CCNY: variants seen among roughly 807,000 people sequenced by gnomAD.
CCNY encodes cyclin-Y.
In CCNY, 19 loss-of-function variants were observed where a neutral mutation model predicts 42.8. The ratio of observed to expected loss-of-function variants is 0.44; its 90% CI spans 0.31 to 0.65. The LOEUF is 0.65. CCNY is among the 30% of genes least tolerant of loss of function. CCNY has a pLI of 0.07. For synonymous variants in CCNY, 165 were observed against 162.7 expected (o/e 1.01, Z -0.11); for missense variants, 370 against 437.3 (o/e 0.85, Z 1.37).
rs562283531 is a variant in CCNY at position 35,381,995 on chromosome 10, A to G, written c.154+44788A>G. 5.9e-5 allele frequency among the ~76,000 whole-genome samples: 9 copies of G among 152,380 alleles called. No homozygotes were observed. In the South Asian group the frequency reaches 1.9e-3, roughly 32 times the overall value. The stretch of plus-strand genomic sequence containing the variant: ...TTTTAAAACTAAAGAACAAATCAAG[A>G]AAATAATAGTTACTGATTTTTACAT... On this transcript the variant is annotated intron_variant, in intron 1 of 9. Coordinates refer to ENST00000374704, the MANE Select transcript of CCNY (RefSeq NM_145012.6).
chr10:35,463,017 C>T (rs568862656), intron 1 of CCNY, among the ~76,000 whole-genome samples: 84 of 152,360 alleles, frequency 5.5e-4, no homozygotes, highest in African/African-American at 1.9e-3. Flanking sequence ...GTTCTGTACA[C>T]TGAAAGTGAA....
rs567814149 is a variant in CCNY at position 35,313,532 on chromosome 10, G to A, written c.-9+62906G>A. Among the ~76,000 whole-genome samples the A allele has an allele frequency of 2.1e-3, 315 of 152,268 alleles. 2 individuals carry two copies. The highest frequency in any genetic ancestry group is 3.3e-3 in the Non-Finnish European group (227 of 68,024). On this transcript the variant is annotated intron_variant, in intron 3 of 11. Coordinates refer to the CCNY transcript ENST00000374706. The stretch of plus-strand genomic sequence containing the variant: ...AAGTCCCGTGCCTGTGCCTGCTGCA[G>A]GATTGAGGCACGGGAGCCTCCAGGT...
chr10:35,327,789 T>A (rs943967847), intron 3 of CCNY: 1 of 152,206 alleles, frequency 6.6e-6, no homozygotes, highest in African/African-American at 2.4e-5. Context: ...ACTTTACTGT[T>A]TTTTGCCTGA....
chr10:35,413,547 CAG>C (rs1271149012), intron 1 of CCNY, among the ~76,000 whole-genome samples: 1 of 152,092 alleles, frequency 6.6e-6, no homozygotes, highest in Non-Finnish European at 1.5e-5. Context: ...ATTGCAGAGT[CAG>C]ACTGTAAAAC....
chr10:35,354,440 G>A (rs1836498282), intron 1 of CCNY, among the ~76,000 whole-genome samples: 1 of 152,044 alleles, frequency 6.6e-6, no homozygotes, highest in African/African-American at 2.4e-5. Flanking sequence ...CCGTCTTGGC[G>A]TCCCAAAGTG....
At chr10:35,312,019 G>C (rs1835690993) in intron 3 of CCNY, among the ~76,000 whole-genome samples, 1 of 151,270 alleles carries the variant, frequency 6.6e-6, no homozygotes, top group Admixed American at 6.6e-5. Context: ...CTTCTTGTTA[G>C]AATCAATTAT....
chr10:35,446,647 T>A (rs534638840), intron 1 of CCNY, among the ~76,000 whole-genome samples: 1 of 152,284 alleles, frequency 6.6e-6, no homozygotes, highest in South Asian at 2.1e-4. Flanking sequence ...TGCCAGGGTC[T>A]TTGTGGTTAG....
intron 1 of CCNY, among the ~76,000 whole-genome samples, chr10:35,411,882 C>T (rs1342581487): frequency 6.6e-6 from 1 of 152,230 alleles, no homozygotes; most frequent in African/African-American, 2.4e-5. Context: ...AATGGATTTG[C>T]TATGATAACA....
At chr10:35,337,440 A>C (rs540358499) in intron 1 of CCNY, among the ~76,000 whole-genome samples, 2 of 152,318 alleles carry the variant, frequency 1.3e-5, no homozygotes, top group South Asian at 4.1e-4. Context: ...GGCATCGAGC[A>C]CGGCGGGCCT....
chr10:35,568,404 C>G (rs561233270), intron 9 of CCNY, among the ~76,000 whole-genome samples: 1 of 152,362 alleles, frequency 6.6e-6, no homozygotes, highest in East Asian at 1.9e-4. Context: ...CAGTTCTAGC[C>G]ACACCCAGTG....
chr10:35,282,081 A>G (rs1222602387), intron 3 of CCNY, among the ~76,000 whole-genome samples: 1 of 72,262 alleles, frequency 1.4e-5, no homozygotes, highest in African/African-American at 5.4e-5. Flanking sequence ...CCTACTCCTC[A>G]TTCTGTTTTG....
intron 4 of CCNY, among the ~76,000 whole-genome samples, chr10:35,523,085 A>G (rs1206167419): frequency 1.3e-5 from 2 of 152,218 alleles, no homozygotes; most frequent in African/African-American, 4.8e-5. Context: ...TAAAACACCT[A>G]CAATTCCCAG....
chr10:35,371,359 A>G (rs1047405202), intron 1 of CCNY, among the ~76,000 whole-genome samples: 1 of 152,160 alleles, frequency 6.6e-6, no homozygotes, highest in Non-Finnish European at 1.5e-5. Flanking sequence ...GCCTTGATTT[A>G]CTGAGCCTGG....
At chr10:35,271,467 C>A (rs1053087922) in intron 3 of CCNY, among the ~76,000 whole-genome samples, 3 of 152,184 alleles carry the variant, frequency 2.0e-5, no homozygotes, top group Non-Finnish European at 4.4e-5. Flanking sequence ...GTGCTTCTGG[C>A]AGGGGGAAGG....
intron 3 of CCNY, among the ~76,000 whole-genome samples, chr10:35,308,308 T>C (rs1835639050): frequency 6.6e-6 from 1 of 151,808 alleles, no homozygotes; most frequent in East Asian, 1.9e-4. Context: ...ATCCCAGCAC[T>C]TTGGGAGGCC....
chr10:35,493,662 A>G (rs953539439), intron 2 of CCNY, among the ~76,000 whole-genome samples: 7 of 152,166 alleles, frequency 4.6e-5, no homozygotes, highest in African/African-American at 1.4e-4. Context: ...GGAGGCTTAG[A>G]TCCAACACTC....
At position 35,341,116 on chromosome 10, in the gene CCNY, T is replaced by TA. The variant is rs1211134318; in HGVS notation, c.154+3913dup. Among the ~76,000 whole-genome samples, 3 of 152,216 alleles carry TA rather than the reference T, an allele frequency of 2.0e-5. No homozygotes were observed. The East Asian group carries it at 5.8e-4, about 29-fold the overall frequency. ...CGGCAGTGACTCGTTATTGCACAAG[T>TA]AAAAGCCTTACAGTGGTCGCTGGGG... On this transcript the variant is annotated intron_variant, in intron 1 of 9. Transcript: ENST00000374704.
At chr10:35,295,638 C>T (rs1466560648) in intron 3 of CCNY, among the ~76,000 whole-genome samples, 1 of 152,168 alleles carries the variant, frequency 6.6e-6, no homozygotes, top group East Asian at 1.9e-4. Flanking sequence ...TATGAATATT[C>T]ATAAAATACT....
chr10:35,398,592 A>G (rs923877196), intron 1 of CCNY, among the ~76,000 whole-genome samples: 3 of 151,670 alleles, frequency 2.0e-5, no homozygotes, highest in South Asian at 2.1e-4. Context: ...CGTTTACCAT[A>G]TGGTTCTCGA....
Sources: gnomAD v4.1 joint callset for allele counts (sites outside exome capture counted in the v4.1 genomes callset) on GRCh38, gnomAD v4.1.1 for gene constraint, MANE v1.5 for transcripts, NCBI Gene and HGNC (gene_info 2026-07-23, HGNC 2026-07-21) for gene names.